AFAP1L1: variants seen among roughly 807,000 people sequenced by gnomAD.
The protein encoded by AFAP1L1 is actin filament associated protein 1 like 1.
Under a neutral mutation model 99.8 loss-of-function variants are expected in AFAP1L1, and 77 were observed. The observed-to-expected ratio is 0.77, with a 90% CI of 0.64 to 0.93. The LOEUF (loss-of-function observed/expected upper bound fraction) is 0.93, where lower values mean the gene tolerates loss of function less well. Among genes scored for constraint, AFAP1L1 ranks in the 40% least tolerant of loss-of-function variants. The pLI is 0.00. For synonymous variants in AFAP1L1, 373 were observed against 395.3 expected (o/e 0.94, Z 0.67); for missense variants, 893 against 996.8 (o/e 0.90, Z 1.40).
rs1167532773 is a variant in AFAP1L1 at position 149,307,533 on chromosome 5, A to C, written c.667A>C (p.Ile223Leu). 2.5e-6 allele frequency: 4 copies of C among 1,613,958 alleles called. No homozygotes were observed. Among genetic ancestry groups the C allele is most frequent in the East Asian group, 4.5e-5 (2 of 44,870 alleles). The change falls in exon 7 of 19, where the codon ATA becomes CTA. Residue 223 changes from isoleucine (I) to leucine (L), a missense_variant. Transcript: ENST00000296721. Reference sequence around the variant, plus strand: ...CATGCACCTGGTGAGGGAATGCAGGATATGTGCCTTCCTGCTGCGGAAAAA... The same window carrying C: ...CATGCACCTGGTGAGGGAATGCAGGCTATGTGCCTTCCTGCTGCGGAAAAA... ...ASMHLVRECR[I>L]CAFLLRKKRF...
intron 1 of AFAP1L1, among the ~76,000 whole-genome samples, chr5:149,294,289 T>G (rs1269484424): frequency 6.6e-6 from 1 of 151,998 alleles, no homozygotes; most frequent in African/African-American, 2.4e-5. Flanking sequence ...GCTGGAGGAG[T>G]CTTTTCTTAC....
chr5:149,294,049 G>C (rs1270811469), intron 1 of AFAP1L1, among the ~76,000 whole-genome samples: 1 of 152,144 alleles, frequency 6.6e-6, no homozygotes, highest in East Asian at 1.9e-4. Flanking sequence ...TTTCAGAAGA[G>C]GATAACTAAT....
intron 15 of AFAP1L1, among the ~76,000 whole-genome samples, chr5:149,323,397 G>C (rs1014395260): frequency 1.2e-4 from 19 of 152,212 alleles, no homozygotes; most frequent in African/African-American, 3.9e-4. Context: ...AGGCAACTCT[G>C]TTGTAAATTC....
intron 5 of AFAP1L1, among the ~76,000 whole-genome samples, chr5:149,302,989 C>G (rs140582283): frequency 2.0e-5 from 3 of 152,154 alleles, no homozygotes; most frequent in Admixed American, 2.0e-4. Flanking sequence ...CGAGTCAATG[C>G]GTAAAATAAA....
In AFAP1L1 at chr5:149,299,504, C is replaced by T. The variant is rs764773743; in HGVS notation, c.17-5C>T. ...GTGACTGTGCCCGTCTGCCTTCCTCCGCAGTGCTGGAGCAGCTGCTCCCAG... is the reference window on the plus strand; with the variant it reads ...GTGACTGTGCCCGTCTGCCTTCCTCTGCAGTGCTGGAGCAGCTGCTCCCAG... On this transcript the variant is annotated splice_region_variant and splice_polypyrimidine_tract_variant and intron_variant, in intron 1 of 18. Transcript: ENST00000296721. 2.1e-5 allele frequency: 34 copies of T among 1,613,868 alleles called. 1 individual carries two copies. The Admixed American group carries it at 2.3e-4, about 11-fold the overall frequency.
At chr5:149,297,604 T>A (rs991888439) in intron 1 of AFAP1L1, among the ~76,000 whole-genome samples, 2 of 152,132 alleles carry the variant, frequency 1.3e-5, no homozygotes, top group Non-Finnish European at 2.9e-5. Flanking sequence ...TTTGGGGTGA[T>A]GATGGATTTT....
chr5:149,309,902 C>G (rs1756561707), intron 7 of AFAP1L1, 54 bp from the exon 8 acceptor site: 4 of 1,608,356 alleles, frequency 2.5e-6, no homozygotes, highest in Non-Finnish European at 3.4e-6. Flanking sequence ...GAGGATGTCT[C>G]CCTCCTCTAC....
At chr5:149,283,129 G>A (rs1755571134) in intron 1 of AFAP1L1, among the ~76,000 whole-genome samples, 1 of 152,180 alleles carries the variant, frequency 6.6e-6, no homozygotes, top group Non-Finnish European at 1.5e-5. Flanking sequence ...GGGGAAACAG[G>A]TACAAGGAGT....
chr5:149,280,677 C>T (rs1354063750), intron 1 of AFAP1L1, among the ~76,000 whole-genome samples: 3 of 152,204 alleles, frequency 2.0e-5, no homozygotes, highest in African/African-American at 4.8e-5. Flanking sequence ...CATGAAATGT[C>T]TCATTTTATC....
intron 17 of AFAP1L1, among the ~76,000 whole-genome samples, chr5:149,333,824 G>A (rs1757326930): frequency 2.0e-5 from 3 of 152,146 alleles, no homozygotes; most frequent in Admixed American, 1.3e-4. Context: ...CCTCGGGAGA[G>A]CAAAAAACTG....
chr5:149,296,762 A>T (rs534635247), intron 1 of AFAP1L1, among the ~76,000 whole-genome samples: 1 of 152,342 alleles, frequency 6.6e-6, no homozygotes, highest in South Asian at 2.1e-4. Flanking sequence ...GCTAATAAAG[A>T]CTAATAAATA....
chr5:149,318,028 C>T, intron 12 of AFAP1L1, 88 bp downstream of exon 12: 1 of 1,432,160 alleles, frequency 7.0e-7, no homozygotes, highest in Non-Finnish European at 9.5e-7. Context: ...GCCCTTGCTA[C>T]TGACACCATG....
intron 1 of AFAP1L1, among the ~76,000 whole-genome samples, chr5:149,281,142 G>A (rs1755506963): frequency 1.3e-5 from 2 of 152,102 alleles, no homozygotes; most frequent in South Asian, 2.1e-4. Context: ...AGTCATTCAC[G>A]GTGGGGGGGT....
rs1756473971 is a variant in AFAP1L1 at position 149,307,818 on chromosome 5, T to TTCTCTCCCTCTCTCTCTCTCTCTC, written c.747+211_747+212insCCTCTCTCTCTCTCTCTCTCTCTC. Among the ~76,000 whole-genome samples the TTCTCTCCCTCTCTCTCTCTCTCTC allele has an allele frequency of 1.9e-4, 19 of 100,568 alleles. No homozygotes were observed. In the South Asian group the frequency reaches 7.9e-3, roughly 42 times the overall value. The allele number at this position is 100,568 out of a possible 152,430, so 66.0% of individuals were successfully genotyped here. On this transcript the variant is annotated intron_variant, in intron 7 of 18. Coordinates refer to ENST00000296721, the MANE Select transcript of AFAP1L1 (RefSeq NM_152406.4). ...ACACACACACACCCTGTGCCTCTCT[T>TTCTCTCCCTCTCTCTCTCTCTCTC]TCTCTCTCTCTCTCTCTCTCTCTCT...
At chr5:149,307,249 A>T (rs529607374) in intron 6 of AFAP1L1, among the ~76,000 whole-genome samples, 153 bp from the exon 7 acceptor site, 1 of 151,618 alleles carries the variant, frequency 6.6e-6, no homozygotes, top group Admixed American at 6.6e-5. Context: ...TCCGTCTCCA[A>T]AAAAAAAGTA....
chr5:149,320,444 T>A lies in AFAP1L1; in HGVS notation c.1679T>A (p.Val560Asp). The change falls in exon 14 of 19, where the codon GTT becomes GAT. Residue 560 changes from valine (V) to aspartate (D), a missense_variant. Transcript: ENST00000296721. The surrounding 1 kb of genome is among the most constrained non-coding windows in gnomAD (Gnocchi z 4.0). ...QWPEPRVYDD[V>D]PYEKMQDEEP... ...CCTGAGCCCCGAGTCTATGATGATGTTCCTTATGAAAAGATGCAGGTACAG... is the reference window on the plus strand; with the variant it reads ...CCTGAGCCCCGAGTCTATGATGATGATCCTTATGAAAAGATGCAGGTACAG... The A allele has an allele frequency of 6.2e-7, 1 of 1,614,200 alleles. No homozygotes were observed. The highest frequency in any genetic ancestry group is 8.5e-7 in the Non-Finnish European group (1 of 1,180,034).
At chr5:149,330,647 GAGGAAGGCAC>G (rs1317436754) in intron 16 of AFAP1L1, among the ~76,000 whole-genome samples, 1 of 152,186 alleles carries the variant, frequency 6.6e-6, no homozygotes, top group Non-Finnish European at 1.5e-5. Flanking sequence ...GAATCAATAG[GAGGAAGGCAC>G]AGGAAGGCAG....
chr5:149,342,825 T>C lies in AFAP1L1; in HGVS notation c.*2795T>C, dbSNP rs1757594404. Among the ~76,000 whole-genome samples the C allele has an allele frequency of 6.6e-6, 1 of 151,700 alleles. No individual in the cohort carries two copies. Among genetic ancestry groups the C allele is most frequent in the African/African-American group, 2.4e-5 (1 of 41,248 alleles). ...TACTTGGGAGGCTGAGGGAGGAGAA[T>C]CACTTGAACCCGGGAGGTGGAGGTT... On this transcript the variant is annotated 3_prime_UTR_variant, in exon 19 of 19. Transcript: ENST00000296721.
intron 1 of AFAP1L1, among the ~76,000 whole-genome samples, chr5:149,296,610 C>T (rs537007211): frequency 2.8e-4 from 42 of 152,160 alleles, no homozygotes; most frequent in Non-Finnish European, 5.0e-4. Flanking sequence ...AGAGAATGCG[C>T]GTTGGGACAG....
Sources: gnomAD v4.1 joint callset for allele counts (sites outside exome capture counted in the v4.1 genomes callset) on GRCh38, gnomAD v4.1.1 for gene constraint, Gnocchi (gnomAD v3.1) non-coding constraint, MANE v1.5 for transcripts, NCBI Gene and HGNC (gene_info 2026-07-23, HGNC 2026-07-21) for gene names.